Variants in MORC1 observed in about 807,000 individuals in gnomAD.
MORC1 encodes MORC family CW-type zinc finger protein 1.
In MORC1, 59 loss-of-function variants were observed where a neutral mutation model predicts 134.9. The observed-to-expected ratio is 0.44, with a 90% CI of 0.35 to 0.54. MORC1 has a LOEUF of 0.54. MORC1 is among the 20% of genes least tolerant of loss of function. The pLI is 0.00. For missense variants in MORC1, 947 were observed against 1,134.5 expected (o/e 0.83, Z 2.37); for synonymous variants, 395 against 391.7 (o/e 1.01, Z -0.10).
intron 17 of MORC1, among the ~76,000 whole-genome samples, chr3:109,014,771 A>T (rs981764922): frequency 6.6e-6 from 1 of 152,228 alleles, no homozygotes; most frequent in Non-Finnish European, 1.5e-5. Flanking sequence ...ACACTCTTTC[A>T]TTTTAACATC....
chr3:109,109,015 C>T (rs1951100633), intron 3 of MORC1, among the ~76,000 whole-genome samples: 2 of 152,108 alleles, frequency 1.3e-5, no homozygotes, highest in African/African-American at 4.8e-5. Flanking sequence ...GATGCTCATT[C>T]ATTTGGTTCT....
rs780614882 is a variant in MORC1, at chr3:109,000,578, C to T, written c.2166G>A (p.Thr722=). ...ECKVLTEDEN[T]SDSDIILVSD... ...TCACCAGGATTATATCTGAATCACT[C>T]GTGTTCTCATCTTCAGTCAATACCT... is the stretch of plus-strand genomic sequence containing the variant. The change falls in exon 21 of 28, where the codon ACG becomes ACA. Residue 722 remains threonine, a synonymous_variant. Transcript: ENST00000232603. The T allele has an allele frequency of 5.0e-6, 8 of 1,608,980 alleles. No individual in the cohort carries two copies. Among genetic ancestry groups the T allele is most frequent in the South Asian group, 3.3e-5 (3 of 90,254 alleles).
intron 3 of MORC1, among the ~76,000 whole-genome samples, chr3:109,106,183 A>T (rs550442176): frequency 1.2e-4 from 19 of 152,350 alleles, no homozygotes; most frequent in Non-Finnish European, 1.3e-4. Flanking sequence ...ATGTTCATCC[A>T]GGATTGGGAA....
chr3:108,963,345 G>C (rs1559856517), intron 27 of MORC1, 69 bp downstream of exon 27: 24 of 1,294,810 alleles, frequency 1.9e-5, no homozygotes, highest in Non-Finnish European at 2.0e-5. Context: ...GACAATGTTA[G>C]GAGAAGTTAG....
At chr3:109,061,859 C>A (rs1427158802) in intron 11 of MORC1, 129 bp downstream of exon 11, 1 of 856,620 alleles carries the variant, frequency 1.2e-6, no homozygotes. Context: ...GAGTTAAAAT[C>A]AACTTAATCT....
At chr3:109,045,597 T>C (rs1042272932) in intron 14 of MORC1, among the ~76,000 whole-genome samples, 2 of 152,198 alleles carry the variant, frequency 1.3e-5, no homozygotes, top group Admixed American at 1.3e-4. Flanking sequence ...TATCCCTGTT[T>C]GTTTTTCACT....
intron 17 of MORC1, among the ~76,000 whole-genome samples, chr3:109,007,882 CACT>C (rs1311760438): frequency 6.6e-6 from 1 of 151,936 alleles, no homozygotes; most frequent in Non-Finnish European, 1.5e-5. Flanking sequence ...CCACTGATAC[CACT>C]GTCTCGCTTA....
At chr3:109,078,118 T>C (rs1001594908) in intron 8 of MORC1, among the ~76,000 whole-genome samples, 1 of 152,012 alleles carries the variant, frequency 6.6e-6, no homozygotes, top group African/African-American at 2.4e-5. Flanking sequence ...TGTATGTACA[T>C]AGCAATAAAT....
chr3:109,106,604 T>A (rs1236422689), intron 3 of MORC1, among the ~76,000 whole-genome samples: 1 of 152,320 alleles, frequency 6.6e-6, no homozygotes, highest in Non-Finnish European at 1.5e-5. Context: ...GGCATCACCC[T>A]GCCCCTAGGC....
chr3:109,054,820 T>C lies in MORC1; in HGVS notation c.1238A>G (p.Asn413Ser). 6.2e-7 allele frequency: 1 copy of C among 1,608,174 alleles called. No individual in the cohort carries two copies. Residue 413 changes from asparagine (N) to serine (S), a missense_variant, in exon 14 of 28, where the codon AAT (asparagine) becomes AGT (serine). By Grantham distance (46) the Asn-to-Ser change is conservative (BLOSUM62 1). Around this residue, in one of 3 missense-constraint regions of MORC1, gnomAD observed 722 missense variants for 817.0 expected, o/e 0.88. Transcript: ENST00000232603. ...IPLEVMEPSH[N>S]KQEFLNVQEY... Reference sequence around the variant, plus strand: ...TTGGACATTGAGAAATTCCTGTTTATTATGGGATGGTTCCATGACCTCCAA... The same window carrying C: ...TTGGACATTGAGAAATTCCTGTTTACTATGGGATGGTTCCATGACCTCCAA...
intron 27 of MORC1, among the ~76,000 whole-genome samples, chr3:108,960,989 C>T (rs1056492822): frequency 3.3e-5 from 5 of 152,132 alleles, no homozygotes; most frequent in African/African-American, 1.2e-4. Context: ...ATAAAGTTTA[C>T]ATTTTGACTT....
In MORC1 at chr3:109,084,446, AAAG is replaced by A. The variant is rs570063889; in HGVS notation, c.689+8987_689+8989del. Among the ~76,000 whole-genome samples the A allele has an allele frequency of 3.2e-3, 488 of 152,290 alleles. 2 individuals are homozygous for A. The highest frequency in any genetic ancestry group is 0.011 in the African/African-American group (456 of 41,574). ...AAAACACCTAGAAGTCAATTTAGCC[AAAG>A]AAGTGAAAGATCTATACAAAGAAAA... is the stretch of plus-strand genomic sequence containing the variant. On this transcript the variant is annotated intron_variant, in intron 8 of 27. Transcript: ENST00000232603.
chr3:109,029,720 C>A (rs1949192489), intron 16 of MORC1, among the ~76,000 whole-genome samples: 1 of 152,144 alleles, frequency 6.6e-6, no homozygotes, highest in Non-Finnish European at 1.5e-5. Flanking sequence ...AAGAATGGCT[C>A]CACCTTACCC....
chr3:108,973,593 TGG>T (rs1491307118), intron 24 of MORC1, among the ~76,000 whole-genome samples: 3,200 of 91,524 alleles, frequency 0.035, 67 homozygotes, highest in Middle Eastern at 0.14. Context: ...TGCTTTGTTT[TGG>T]TTTTTTTTTT....
intron 3 of MORC1, among the ~76,000 whole-genome samples, chr3:109,105,605 G>A (rs1199207418): frequency 6.6e-6 from 1 of 151,264 alleles, no homozygotes; most frequent in African/African-American, 2.4e-5. Flanking sequence ...CTTGAGCCTA[G>A]GACTTCAAGT....
In MORC1 at chr3:108,979,650, A is replaced by G. The variant is rs141491434; in HGVS notation, c.2342T>C (p.Met781Thr). 296 of 1,613,804 alleles carry G rather than the reference A, an allele frequency of 1.8e-4. No individual in the cohort carries two copies. The highest frequency in any genetic ancestry group is 8.2e-4 in the Middle Eastern group (5 of 6,084). Residue 781 changes from methionine (M) to threonine (T), a missense_variant, in exon 24 of 28, where the codon ATG becomes ACG. By Grantham distance (81) the Met-to-Thr change is moderately conservative (BLOSUM62 -1). Around this residue, in one of 3 missense-constraint regions of MORC1, gnomAD observed 722 missense variants for 817.0 expected, o/e 0.88. Coordinates refer to ENST00000232603, the MANE Select transcript of MORC1 (RefSeq NM_014429.4). The part of the protein sequence containing the change: ...PSWKSLLNVP[M>T]EDVNLSSGHI... Reference sequence around the variant, plus strand: ...TCCAGAACTTAGATTCACATCTTCCATCGGCACATTGAGCAAGCTGAGGTT... The same window carrying G: ...TCCAGAACTTAGATTCACATCTTCCGTCGGCACATTGAGCAAGCTGAGGTT...
intron 14 of MORC1, among the ~76,000 whole-genome samples, chr3:109,048,660 C>T (rs1949750459): frequency 6.6e-6 from 1 of 152,134 alleles, no homozygotes; most frequent in African/African-American, 2.4e-5. Context: ...AAGGTATTGG[C>T]AGGCTTGGTT....
At chr3:109,018,686 G>C (rs1948881405) in intron 17 of MORC1, among the ~76,000 whole-genome samples, 2 of 152,168 alleles carry the variant, frequency 1.3e-5, no homozygotes, top group African/African-American at 2.4e-5. Flanking sequence ...GTAAAAACCA[G>C]AGCAAAGGGT....
intron 7 of MORC1, among the ~76,000 whole-genome samples, chr3:109,093,795 T>G (rs551661881): frequency 6.6e-6 from 1 of 152,206 alleles, no homozygotes; most frequent in South Asian, 2.1e-4. Flanking sequence ...AGTCTTTCAA[T>G]GTGGATTTTT....
Sources: gnomAD v4.1 joint callset for allele counts (sites outside exome capture counted in the v4.1 genomes callset) on GRCh38, gnomAD v4.1.1 for gene constraint, gnomAD v4.1.1 regional missense constraint, MANE v1.5 for transcripts, NCBI Gene and HGNC (gene_info 2026-07-23, HGNC 2026-07-21) for gene names.